RTN1: variants seen among roughly 807,000 people sequenced by gnomAD.
RTN1 encodes reticulon 1.
RTN1 carries 25 observed loss-of-function variants against 65.5 expected under a neutral mutation model. The ratio of observed to expected loss-of-function variants is 0.38; its 90% CI spans 0.28 to 0.53. The LOEUF is 0.53. Ranked by LOEUF, RTN1 falls within the 20% of genes least tolerant of loss-of-function variation. The pLI is 0.79. For synonymous variants in RTN1, 471 were observed against 447.6 expected (o/e 1.05, Z -0.66); for missense variants, 983 against 1,025.4 (o/e 0.96, Z 0.57).
chr14:59,603,956 C>G, intron 5 of RTN1, 35 bp from the exon 6 acceptor site: 1 of 1,555,154 alleles, frequency 6.4e-7, no homozygotes. Context: ...GCTCCTAAAA[C>G]CCTTCCTGAC....
At chr14:59,812,127 A>T (rs1384354189) in intron 1 of RTN1, among the ~76,000 whole-genome samples, 1 of 152,214 alleles carries the variant, frequency 6.6e-6, no homozygotes, top group Non-Finnish European at 1.5e-5. Flanking sequence ...GCCAAGAGCC[A>T]GGATTGCACA....
intron 1 of RTN1, among the ~76,000 whole-genome samples, chr14:59,833,838 C>T (rs1887168620): frequency 6.6e-6 from 1 of 152,136 alleles, no homozygotes; most frequent in African/African-American, 2.4e-5. Context: ...TTTTACTCCC[C>T]AAAGCAAATG....
intron 3 of RTN1, among the ~76,000 whole-genome samples, chr14:59,624,796 T>C (rs1360306618): frequency 6.6e-6 from 1 of 152,186 alleles, no homozygotes; most frequent in Non-Finnish European, 1.5e-5. Context: ...GGTGACAGTA[T>C]ATCAACAATA....
intron 1 of RTN1, among the ~76,000 whole-genome samples, chr14:59,797,553 G>A (rs953090137): frequency 4.6e-5 from 7 of 152,160 alleles, no homozygotes; most frequent in African/African-American, 1.7e-4. Flanking sequence ...CTCCAGGGAT[G>A]CTTCTCAGCA....
chr14:59,707,875 G>A (rs1884332904), intron 3 of RTN1, among the ~76,000 whole-genome samples: 1 of 152,116 alleles, frequency 6.6e-6, no homozygotes, highest in African/African-American at 2.4e-5. Flanking sequence ...CAATCAGTAT[G>A]AAAGATTTGA....
chr14:59,795,393 T>A (rs542800156), intron 1 of RTN1, among the ~76,000 whole-genome samples: 1 of 152,268 alleles, frequency 6.6e-6, no homozygotes, highest in East Asian at 1.9e-4. Context: ...AATTCTGAAC[T>A]TTTTTTAATA....
intron 3 of RTN1, among the ~76,000 whole-genome samples, chr14:59,667,946 A>G (rs1883415998): frequency 6.6e-6 from 1 of 152,200 alleles, no homozygotes; most frequent in African/African-American, 2.4e-5. Context: ...GCTCAACGAA[A>G]TAAAAGAGGA....
intron 1 of RTN1, among the ~76,000 whole-genome samples, chr14:59,797,056 A>C (rs1886453488): frequency 6.6e-6 from 1 of 152,188 alleles, no homozygotes; most frequent in Non-Finnish European, 1.5e-5. Context: ...GGATCACATG[A>C]ATTTTCAGAA....
At chr14:59,762,729 A>G (rs1885774470) in intron 1 of RTN1, among the ~76,000 whole-genome samples, 1 of 152,246 alleles carries the variant, frequency 6.6e-6, no homozygotes, top group Non-Finnish European at 1.5e-5. Flanking sequence ...TTCATCTCTT[A>G]TAAAAATTGT....
intron 3 of RTN1, among the ~76,000 whole-genome samples, chr14:59,692,158 A>G (rs981354621): frequency 6.6e-6 from 1 of 152,188 alleles, no homozygotes; most frequent in African/African-American, 2.4e-5. Context: ...TTTGTAGACA[A>G]TATGATTCCA....
At chr14:59,625,566 T>C (rs1348562925) in intron 3 of RTN1, among the ~76,000 whole-genome samples, 8 of 152,338 alleles carry the variant, frequency 5.3e-5, no homozygotes, top group South Asian at 2.1e-4. Context: ...TTCAATCTTA[T>C]TTTATCAACA....
rs1469175095 is a variant in RTN1 at position 59,605,525 on chromosome 14, C to A, written c.1974-19G>T. The stretch of plus-strand genomic sequence containing the variant: ...GTAGGCCCTGTCAACAAACCATTCC[C>A]ACAGAAAATTCCGTCAGAGGGAATC... On this transcript the variant is annotated intron_variant, in intron 4 of 8. Coordinates refer to ENST00000267484, the MANE Select transcript of RTN1 (RefSeq NM_021136.3). 2.5e-6 allele frequency: 4 copies of A among 1,612,734 alleles called. No individual in the cohort carries two copies. The highest frequency in any genetic ancestry group is 1.7e-5 in the Admixed American group (1 of 59,842).
intron 3 of RTN1, among the ~76,000 whole-genome samples, chr14:59,613,711 T>C (rs1882024847): frequency 6.6e-6 from 1 of 152,138 alleles, no homozygotes; most frequent in Non-Finnish European, 1.5e-5. Context: ...TTTTGCCTTG[T>C]CCTTCTTAAA....
intron 1 of RTN1, among the ~76,000 whole-genome samples, chr14:59,853,783 C>G (rs1887551808): frequency 6.6e-6 from 1 of 151,956 alleles, no homozygotes; most frequent in African/African-American, 2.4e-5. Flanking sequence ...TTCCACCATG[C>G]ATGGCCCTCC....
chr14:59,639,032 G>GA (rs1362086551), intron 3 of RTN1, among the ~76,000 whole-genome samples: 2 of 152,070 alleles, frequency 1.3e-5, no homozygotes, highest in Non-Finnish European at 2.9e-5. Context: ...CCTTTCACTC[G>GA]AACACTTAGA....
At chr14:59,614,246 A>G (rs1882043364) in intron 3 of RTN1, among the ~76,000 whole-genome samples, 1 of 152,080 alleles carries the variant, frequency 6.6e-6, no homozygotes, top group Non-Finnish European at 1.5e-5. Context: ...TGGTACCCTT[A>G]ATTTTGGGGA....
intron 3 of RTN1, among the ~76,000 whole-genome samples, chr14:59,616,250 G>C (rs1882097514): frequency 6.6e-6 from 1 of 152,120 alleles, no homozygotes; most frequent in Non-Finnish European, 1.5e-5. Context: ...TATGTTATCA[G>C]TAATCATCAT....
At chr14:59,841,715 A>AC (rs1566744415) in intron 1 of RTN1, among the ~76,000 whole-genome samples, 1 of 142,864 alleles carries the variant, frequency 7.0e-6, no homozygotes, top group East Asian at 2.0e-4. Context: ...AAAAAAAAAA[A>AC]CAAAAAAAAA....
At position 59,745,950 on chromosome 14, in the gene RTN1, G is replaced by T; in HGVS notation, c.773C>A (p.Ser258Tyr). ...ATCATCTATGTATGGAGCAAATGTG[G>T]ATTCTTCCAATAAATGGTCCTTGAT... is the stretch of plus-strand genomic sequence containing the variant. ...KIIKDHLLEESTFAPYIDDLS... is the reference protein window; with the variant it reads ...KIIKDHLLEEYTFAPYIDDLS... Residue 258 changes from serine (S) to tyrosine (Y), a missense_variant, in exon 2 of 9, where the codon TCC becomes TAC. Around this residue, in one of 2 missense-constraint regions of RTN1, gnomAD observed 818 missense variants for 801.8 expected, o/e 1.02. Coordinates refer to ENST00000267484, the MANE Select transcript of RTN1 (RefSeq NM_021136.3). 4.3e-6 allele frequency: 7 copies of T among 1,614,134 alleles called. No individual in the cohort carries two copies. Among genetic ancestry groups the T allele is most frequent in the Non-Finnish European group, 5.9e-6 (7 of 1,180,008 alleles).
Sources: gnomAD v4.1 joint callset for allele counts (sites outside exome capture counted in the v4.1 genomes callset) on GRCh38, gnomAD v4.1.1 for gene constraint, gnomAD v4.1.1 regional missense constraint, MANE v1.5 for transcripts, NCBI Gene and HGNC (gene_info 2026-07-23, HGNC 2026-07-21) for gene names.